ASTN2: variants seen among roughly 807,000 people sequenced by gnomAD.
ASTN2 encodes astrotactin 2.
Under a neutral mutation model 139.8 loss-of-function variants are expected in ASTN2, and 54 were observed. The ratio of observed to expected loss-of-function variants is 0.39; its 90% CI spans 0.31 to 0.48. The LOEUF (loss-of-function observed/expected upper bound fraction) is 0.48, where lower values mean the gene tolerates loss of function less well. Among genes scored for constraint, ASTN2 ranks in the 20% least tolerant of loss-of-function variants. The probability of loss-of-function intolerance (pLI) is 0.95; values close to 1 mark genes in which losing one functional copy is unlikely to be tolerated. For synonymous variants in ASTN2, 756 were observed against 719.5 expected, an observed-to-expected ratio of 1.05 and a Z score of -0.81; for missense variants, 1,565 against 1,725.1, an observed-to-expected ratio of 0.91 and a Z score of 1.64.
chr9:116,852,701 T>A (rs1832641939), intron 11 of ASTN2, among the ~76,000 whole-genome samples: 1 of 152,130 alleles, frequency 6.6e-6, no homozygotes, highest in Non-Finnish European at 1.5e-5. Flanking sequence ...TTGTCATCCA[T>A]TTATCCTCAA....
intron 7 of ASTN2, among the ~76,000 whole-genome samples, chr9:117,005,079 G>GTTTT (rs1837314743): frequency 3.5e-5 from 2 of 57,030 alleles, no homozygotes; most frequent in Non-Finnish European, 6.4e-5. Flanking sequence ...ACCTGTAGTC[G>GTTTT]ATTTTTTTTT....
At chr9:117,128,097 T>A (rs1829741207) in intron 4 of ASTN2, among the ~76,000 whole-genome samples, 1 of 152,058 alleles carries the variant, frequency 6.6e-6, no homozygotes, top group South Asian at 2.1e-4. Context: ...AGTCAGTTCC[T>A]GGGTGGGGGC....
chr9:116,687,020 T>C, intron 16 of ASTN2: 4 of 1,389,172 alleles, frequency 2.9e-6, no homozygotes, highest in Non-Finnish European at 3.7e-6. Flanking sequence ...GGGGTAGACA[T>C]TGAGACTGGA....
chr9:117,230,665 T>C (rs538455195), intron 2 of ASTN2, among the ~76,000 whole-genome samples: 3 of 152,202 alleles, frequency 2.0e-5, no homozygotes, highest in East Asian at 1.9e-4. Context: ...AAGCAACCCA[T>C]AGTAAGTGAA....
chr9:116,713,401 A>G (rs879905642), intron 16 of ASTN2, among the ~76,000 whole-genome samples: 2 of 152,094 alleles, frequency 1.3e-5, no homozygotes, highest in Non-Finnish European at 2.9e-5. Context: ...CTCCTACCCA[A>G]TGTATCAATG....
In ASTN2 at chr9:117,414,799, A is replaced by AGCGGCG. The variant is rs770486164; in HGVS notation, c.134_139dup (p.Pro45_Pro46dup). 5.7e-6 allele frequency: 7 copies of AGCGGCG among 1,231,688 alleles called. No individual in the cohort carries two copies. The South Asian group carries it at 1.0e-4, about 18-fold the overall frequency. 76.3% of individuals were successfully genotyped at this position (1,231,688 alleles called of 1,614,324 possible). A position where few individuals can be genotyped will look rare whatever the true frequency, so the allele number is the denominator to read the frequency against. On this transcript the variant is annotated inframe_insertion, in exon 1 of 23. Coordinates refer to ENST00000313400, the MANE Select transcript of ASTN2 (RefSeq NM_001365068.1). The surrounding 1 kb of genome is among the most constrained non-coding windows in gnomAD (Gnocchi z 4.2). ...GGCAGCGGCGGTGGCGCCGGCCAGC[A>AGCGGCG]GCGGCGGCGGCGGCAGCAGGAGCAG...
intron 1 of ASTN2, among the ~76,000 whole-genome samples, chr9:117,329,429 G>A (rs1404739814): frequency 1.3e-5 from 2 of 152,040 alleles, no homozygotes; most frequent in Non-Finnish European, 2.9e-5. Context: ...ATGTAGACAG[G>A]AAAGGAAAGA....
intron 2 of ASTN2, among the ~76,000 whole-genome samples, chr9:117,273,095 A>G (rs1328452122): frequency 6.6e-6 from 1 of 152,210 alleles, no homozygotes; most frequent in Non-Finnish European, 1.5e-5. Flanking sequence ...ACAGTTCCAC[A>G]TGGCTGGGGA....
rs11789990 is a variant in ASTN2 at position 116,943,829 on chromosome 9, T to C, written c.1889+31379A>G. 1.1e-3 allele frequency among the ~76,000 whole-genome samples: 166 copies of C among 152,304 alleles called. 1 individual carries two copies. The highest frequency in any genetic ancestry group is 2.0e-3 in the Non-Finnish European group (137 of 68,020). ...TTCCATTCTATCTTTTTCCATATTA[T>C]CCCATCCCACAAGATTTTGTTTGCC... On this transcript the variant is annotated intron_variant, in intron 10 of 22. Coordinates refer to ENST00000313400, the MANE Select transcript of ASTN2 (RefSeq NM_001365068.1).
chr9:116,793,797 G>A lies in ASTN2; in HGVS notation c.2396+11835C>T, dbSNP rs62575386. ...TAATCTATATTTTAGCAGGCAATTG[G>A]TTTGTACCTTAGAGTTTGAGAAGCA... On this transcript the variant is annotated intron_variant, in intron 13 of 22. Transcript: ENST00000313400. 4.2e-3 allele frequency among the ~76,000 whole-genome samples: 640 copies of A among 152,276 alleles called. 6 individuals carry two copies. Among genetic ancestry groups the A allele is most frequent in the South Asian group, 0.016 (75 of 4,824 alleles).
intron 13 of ASTN2, among the ~76,000 whole-genome samples, chr9:116,801,604 A>AGAAAGAAAG (rs1830859018): frequency 1.3e-5 from 2 of 149,874 alleles, no homozygotes; most frequent in African/African-American, 4.9e-5. Flanking sequence ...AAAAAAAAAA[A>AGAAAGAAAG]AAAAAAAAAG....
intron 1 of ASTN2, among the ~76,000 whole-genome samples, chr9:117,344,307 G>C (rs1829149831): frequency 6.6e-6 from 1 of 152,170 alleles, no homozygotes; most frequent in Middle Eastern, 3.2e-3. Context: ...GCAGGTTTGG[G>C]AGCTAGAGCT....
At chr9:117,192,409 A>G (rs1374671775) in intron 3 of ASTN2, among the ~76,000 whole-genome samples, 2 of 150,810 alleles carry the variant, frequency 1.3e-5, no homozygotes. Flanking sequence ...AGAAAACTCA[A>G]TTCTGAATAC....
intron 13 of ASTN2, among the ~76,000 whole-genome samples, chr9:116,781,594 G>C (rs949876120): frequency 1.3e-4 from 20 of 152,156 alleles, no homozygotes; most frequent in Non-Finnish European, 2.6e-4. Context: ...CAGTGGGGTG[G>C]GTTTAATTAG....
rs1222559613 is a variant in ASTN2 at position 116,976,111 on chromosome 9, C to G, written c.1751+3G>C. 6.2e-7 allele frequency: 1 copy of G among 1,613,986 alleles called. No homozygotes were observed. The highest frequency in any genetic ancestry group is 8.5e-7 in the Non-Finnish European group (1 of 1,179,990). ...TTATGCCCCAACAAGAAAGCCAACT[C>G]ACCTGAGAATCTTTTCAGGGGCTTG... On this transcript the variant is annotated splice_donor_region_variant and intron_variant, in intron 9 of 22. Transcript: ENST00000313400.
chr9:117,204,570 C>T (rs566508602), intron 3 of ASTN2, among the ~76,000 whole-genome samples: 1 of 152,246 alleles, frequency 6.6e-6, no homozygotes, highest in East Asian at 1.9e-4. Context: ...GTGGTCAGTT[C>T]AAAGTAATCA....
At chr9:116,876,469 T>A (rs970940597) in intron 10 of ASTN2, among the ~76,000 whole-genome samples, 1 of 152,220 alleles carries the variant, frequency 6.6e-6, no homozygotes, top group African/African-American at 2.4e-5. Flanking sequence ...GTGGCAGGGT[T>A]GGAGTAAATT....
At chr9:116,489,038 T>C (rs1588107942) in intron 19 of ASTN2, among the ~76,000 whole-genome samples, 1 of 152,192 alleles carries the variant, frequency 6.6e-6, no homozygotes, top group Non-Finnish European at 1.5e-5. Context: ...GTTTTCTTCT[T>C]TTCTTCATGC....
chr9:117,014,169 G>A (rs1837611433), intron 6 of ASTN2, among the ~76,000 whole-genome samples: 1 of 152,036 alleles, frequency 6.6e-6, no homozygotes, highest in South Asian at 2.1e-4. Context: ...GTGTGATGAA[G>A]CAGGAATGAA....
Sources: gnomAD v4.1 joint callset for allele counts (sites outside exome capture counted in the v4.1 genomes callset) on GRCh38, gnomAD v4.1.1 for gene constraint, Gnocchi (gnomAD v3.1) non-coding constraint, MANE v1.5 for transcripts, NCBI Gene and HGNC (gene_info 2026-07-23, HGNC 2026-07-21) for gene names.